DPP6: variants seen among roughly 807,000 people sequenced by gnomAD.
DPP6 encodes the protein dipeptidyl peptidase like 6.
Under a neutral mutation model 122.6 loss-of-function variants are expected in DPP6, and 69 were observed. That is an observed-to-expected ratio of 0.56 (90% CI 0.46 to 0.69). The LOEUF is 0.69. DPP6 is among the 30% of genes least tolerant of loss of function. The pLI is 0.00. For missense variants in DPP6, 928 were observed against 1,116.9 expected, an observed-to-expected ratio of 0.83 and a Z score of 2.41; for synonymous variants, 418 against 433.1, an observed-to-expected ratio of 0.97 and a Z score of 0.43.
At chr7:153,761,964 G>A in the DPP6 span, among the ~76,000 whole-genome samples, 1 of 152,226 alleles carries the variant, frequency 6.6e-6, no homozygotes, top group Non-Finnish European at 1.5e-5. Context: ...TCAGGGGAAA[G>A]AGTGGTCAGT....
At chr7:154,872,102 C>G (rs534498790) in intron 18 of DPP6, among the ~76,000 whole-genome samples, 58 of 152,314 alleles carry the variant, frequency 3.8e-4, no homozygotes, top group African/African-American at 1.4e-3. Flanking sequence ...CTGCCAACAG[C>G]AAGACCCACA....
chr7:153,779,829 T>C, the DPP6 span, among the ~76,000 whole-genome samples: 1 of 146,762 alleles, frequency 6.8e-6, no homozygotes, highest in Admixed American at 6.9e-5. Flanking sequence ...CCAAATAAAT[T>C]CTTTAGTTAG....
chr7:154,739,602 C>T (rs533459187), intron 8 of DPP6, among the ~76,000 whole-genome samples: 7 of 152,300 alleles, frequency 4.6e-5, no homozygotes, highest in Non-Finnish European at 7.3e-5. Context: ...GGGTGTGTAA[C>T]GTTTTATTGT....
chr7:153,889,257 C>T (rs1365057773), intron 1 of DPP6, among the ~76,000 whole-genome samples: 2 of 152,172 alleles, frequency 1.3e-5, no homozygotes, highest in Admixed American at 6.5e-5. Context: ...GCATCTGCTT[C>T]CCTCATTTTT....
intron 3 of DPP6, among the ~76,000 whole-genome samples, chr7:154,496,101 G>A (rs1210988130): frequency 6.6e-6 from 1 of 152,176 alleles, no homozygotes; most frequent in Non-Finnish European, 1.5e-5. Context: ...CTTAAGAGTT[G>A]GAGGTTTCAC....
chr7:154,623,565 GCACACACA>G (rs76893753), intron 5 of DPP6, among the ~76,000 whole-genome samples: 56,108 of 148,952 alleles, frequency 0.38, 10,776 homozygotes, highest in East Asian at 0.68. Flanking sequence ...CACGCAACAC[GCACACACA>G]CACGCACGCA....
At chr7:154,489,635 C>T (rs961793716) in intron 3 of DPP6, among the ~76,000 whole-genome samples, 9 of 152,022 alleles carry the variant, frequency 5.9e-5, no homozygotes, top group Non-Finnish European at 1.0e-4. Flanking sequence ...CAGCCTAGAC[C>T]GTCTCTTGGG....
At chr7:154,609,212 A>G (rs979407090) in intron 5 of DPP6, among the ~76,000 whole-genome samples, 1 of 152,224 alleles carries the variant, frequency 6.6e-6, no homozygotes, top group Non-Finnish European at 1.5e-5. Flanking sequence ...ATCCATGTGT[A>G]CGTAATAGGA....
chr7:154,029,857 GT>G (rs1283050696), intron 1 of DPP6, among the ~76,000 whole-genome samples: 1 of 146,776 alleles, frequency 6.8e-6, no homozygotes, highest in African/African-American at 2.5e-5. Context: ...AAAAAAAAAA[GT>G]AAAGAAAAAA....
At chr7:153,832,709 A>G in the DPP6 span, among the ~76,000 whole-genome samples, 2 of 97,292 alleles carry the variant, frequency 2.1e-5, no homozygotes, top group South Asian at 2.8e-4. Context: ...AATATGTGGC[A>G]TAAGGTAGTT....
chr7:154,670,892 T>C (rs1453530368), intron 7 of DPP6, among the ~76,000 whole-genome samples: 3 of 152,230 alleles, frequency 2.0e-5, no homozygotes, highest in African/African-American at 7.2e-5. Context: ...ACTATTAATA[T>C]TTTAGCTATT....
At chr7:154,014,060 C>A (rs1009037540) in intron 1 of DPP6, among the ~76,000 whole-genome samples, 3 of 152,150 alleles carry the variant, frequency 2.0e-5, no homozygotes, top group Non-Finnish European at 4.4e-5. Flanking sequence ...GTTCTAGAAC[C>A]ACTACCTAAT....
At chr7:154,061,552 C>T (rs866073396) in intron 1 of DPP6, among the ~76,000 whole-genome samples, 1 of 131,406 alleles carries the variant, frequency 7.6e-6, no homozygotes, top group Admixed American at 7.4e-5. Flanking sequence ...AACATAAAGG[C>T]CCCCCATTTT....
At chr7:154,232,299 A>T (rs1800964476) in intron 1 of DPP6, among the ~76,000 whole-genome samples, 1 of 152,190 alleles carries the variant, frequency 6.6e-6, no homozygotes, top group Non-Finnish European at 1.5e-5. Flanking sequence ...CCCAGCAAAC[A>T]CAAGAGCCCA....
the DPP6 span, among the ~76,000 whole-genome samples, chr7:153,830,555 T>C: frequency 6.6e-6 from 1 of 152,176 alleles, no homozygotes; most frequent in Non-Finnish European, 1.5e-5. Context: ...TCCACAGAGA[T>C]GAAGAATAAG....
chr7:154,774,887 C>T (rs1796467834), intron 10 of DPP6, among the ~76,000 whole-genome samples: 1 of 152,144 alleles, frequency 6.6e-6, no homozygotes, highest in Admixed American at 6.5e-5. Flanking sequence ...GCTGTGGAAA[C>T]GTGTGGAAGA....
intron 1 of DPP6, among the ~76,000 whole-genome samples, chr7:154,394,672 A>C (rs1384641331): frequency 6.6e-6 from 1 of 152,172 alleles, no homozygotes; most frequent in African/African-American, 2.4e-5. Context: ...GGACAAACCA[A>C]ATGTCATGAA....
At chr7:154,488,066 T>C (rs1038518714) in intron 3 of DPP6, among the ~76,000 whole-genome samples, 1 of 152,002 alleles carries the variant, frequency 6.6e-6, no homozygotes, top group Non-Finnish European at 1.5e-5. Flanking sequence ...TATTAACTGA[T>C]TGAATGATTC....
intron 5 of DPP6, chr7:154,587,217 A>T (rs1431514428): frequency 4.7e-6 from 1 of 212,580 alleles, no homozygotes; most frequent in Non-Finnish European, 9.5e-6. Context: ...ACTTCGGTGG[A>T]CTCTCACCAG....
Sources: allele counts gnomAD v4.1 joint callset (sites outside exome capture counted in the v4.1 genomes callset), GRCh38; gene constraint gnomAD v4.1.1; transcripts MANE v1.5; gene names NCBI Gene and HGNC (gene_info 2026-07-23, HGNC 2026-07-21).